Variants in SMCO4 observed in about 807,000 individuals in gnomAD.
SMCO4 encodes single-pass membrane protein with coiled-coil domains 4, also known as single-pass membrane and coiled-coil domain-containing protein 4.
In SMCO4, 4 loss-of-function variants were observed where a neutral mutation model predicts 3.6. That is an observed-to-expected ratio of 1.11 (90% CI 0.54 to 2.53). The LOEUF is 2.53. Among genes scored for constraint, SMCO4 ranks in the 30% most tolerant of loss-of-function variants. The probability of loss-of-function intolerance (pLI) is 0.02; values close to 1 mark genes in which losing one functional copy is unlikely to be tolerated. For synonymous variants in SMCO4, 36 were observed against 35.3 expected, an observed-to-expected ratio of 1.02 and a Z score of -0.07; for missense variants, 70 against 80.8, an observed-to-expected ratio of 0.87 and a Z score of 0.51.
chr11:93,541,965 C>G (rs1949274370), intron 1 of SMCO4, among the ~76,000 whole-genome samples: 1 of 152,162 alleles, frequency 6.6e-6, no homozygotes, highest in African/African-American at 2.4e-5. Context: ...CCAGAGAGAG[C>G]AAGTGACTCA....
At chr11:93,550,402 G>A in the SMCO4 span, among the ~76,000 whole-genome samples, 2,879 of 152,292 alleles carry the variant, frequency 0.019, 98 homozygotes, top group African/African-American at 0.066. Context: ...CCTCATGCCT[G>A]TAATCCCAAC....
chr11:93,497,634 G>C (rs150140244), intron 2 of SMCO4, among the ~76,000 whole-genome samples: 2 of 151,854 alleles, frequency 1.3e-5, no homozygotes, highest in Non-Finnish European at 1.5e-5. Flanking sequence ...GCTTCCAAAG[G>C]GGGGTACCAA....
intron 2 of SMCO4, among the ~76,000 whole-genome samples, chr11:93,485,416 C>T (rs537322461): frequency 5.3e-5 from 8 of 152,264 alleles, no homozygotes; most frequent in East Asian, 3.8e-4. Context: ...TGCTGGAATG[C>T]GCTTTTCCCT....
intron 2 of SMCO4, among the ~76,000 whole-genome samples, chr11:93,485,321 C>T (rs182449393): frequency 5.6e-4 from 86 of 152,326 alleles, no homozygotes; most frequent in African/African-American, 1.9e-3. Flanking sequence ...TCCAGCCTCA[C>T]CACACCCAAA....
the SMCO4 span, among the ~76,000 whole-genome samples, chr11:93,552,181 C>T: frequency 1.7e-5 from 2 of 120,396 alleles, no homozygotes; most frequent in African/African-American, 6.3e-5. Context: ...TTTTGAGACA[C>T]AGTTTCACTC....
intron 2 of SMCO4, among the ~76,000 whole-genome samples, chr11:93,490,770 A>C (rs1351675081): frequency 6.6e-6 from 1 of 152,250 alleles, no homozygotes; most frequent in Non-Finnish European, 1.5e-5. Context: ...AAAAGACAGA[A>C]CCTAAACCAA....
intron 1 of SMCO4, among the ~76,000 whole-genome samples, chr11:93,527,148 C>T (rs1949115941): frequency 6.6e-6 from 1 of 152,170 alleles, no homozygotes; most frequent in South Asian, 2.1e-4. Flanking sequence ...ACAATCCAAC[C>T]CCTAGAGTTT....
Position 93,478,603 on chromosome 11 carries a change from G to A in SMCO4, c.*407C>T, listed in dbSNP as rs928154685. 3 of 166,572 alleles carry A rather than the reference G, an allele frequency of 1.8e-5. No homozygotes were observed. Among genetic ancestry groups the A allele is most frequent in the African/African-American group, 7.1e-5 (3 of 42,164 alleles). 10.3% of individuals were successfully genotyped at this position (166,572 alleles called of 1,614,324 possible). A position where few individuals can be genotyped will look rare whatever the true frequency, so the allele number is the denominator to read the frequency against. Reference sequence around the variant, plus strand: ...GTGAACACGTGTTGGAAAGAAGCATGATCCAAACAATGGGAATGAGGTGAG... The same window carrying A: ...GTGAACACGTGTTGGAAAGAAGCATAATCCAAACAATGGGAATGAGGTGAG... On this transcript the variant is annotated 3_prime_UTR_variant, in exon 3 of 3. Transcript: ENST00000298966.
At chr11:93,524,825 G>GC (rs1200467177) in intron 1 of SMCO4, among the ~76,000 whole-genome samples, 1 of 152,162 alleles carries the variant, frequency 6.6e-6, no homozygotes, top group Non-Finnish European at 1.5e-5. Flanking sequence ...CCTGCTCACT[G>GC]CACTCATCCA....
chr11:93,494,072 T>A (rs1465983565), intron 2 of SMCO4, among the ~76,000 whole-genome samples: 1 of 152,170 alleles, frequency 6.6e-6, no homozygotes, highest in African/African-American at 2.4e-5. Context: ...AAGCCTTAAG[T>A]AATGCAAACA....
At position 93,486,993 on chromosome 11, in the gene SMCO4, A is replaced by T. The variant is rs561349274; in HGVS notation, c.-80-7724T>A. ...ACACGAGAAGGGTATATATGGAGAA[A>T]GCTCCACCATCTCTTCTTGTAACTG... On this transcript the variant is annotated intron_variant, in intron 2 of 2. Transcript: ENST00000298966. Among the ~76,000 whole-genome samples, 22 of 152,322 alleles carry T rather than the reference A, an allele frequency of 1.4e-4. No individual in the cohort carries two copies. The South Asian group carries it at 4.6e-3, about 32-fold the overall frequency.
At chr11:93,485,896 A>G (rs932352103) in intron 2 of SMCO4, among the ~76,000 whole-genome samples, 2 of 152,228 alleles carry the variant, frequency 1.3e-5, no homozygotes, top group Non-Finnish European at 2.9e-5. Flanking sequence ...GGGATTCAGT[A>G]AAGTATGCTG....
intron 1 of SMCO4, among the ~76,000 whole-genome samples, chr11:93,538,357 C>G (rs1198928958): frequency 6.6e-6 from 1 of 152,212 alleles, no homozygotes; most frequent in East Asian, 1.9e-4. Context: ...TATGGAATAG[C>G]CAAAACTGAG....
intron 2 of SMCO4, among the ~76,000 whole-genome samples, chr11:93,479,490 A>T (rs557617596): frequency 2.6e-5 from 4 of 152,330 alleles, no homozygotes; most frequent in African/African-American, 9.6e-5. Context: ...CTCCAGCGCC[A>T]GCTGGACAAA....
upstream of SMCO4, among the ~76,000 whole-genome samples, chr11:93,547,491 G>T (rs1345808654): frequency 6.6e-6 from 1 of 151,972 alleles, no homozygotes; most frequent in Non-Finnish European, 1.5e-5. Context: ...GACACTCCTT[G>T]TTTTTTTCAC....
At chr11:93,504,755 G>A (rs1032149889) in intron 1 of SMCO4, among the ~76,000 whole-genome samples, 1 of 152,104 alleles carries the variant, frequency 6.6e-6, no homozygotes, top group Non-Finnish European at 1.5e-5. Context: ...TTTCCCCAAC[G>A]TGTGGGCAGT....
chr11:93,513,128 G>T (rs909600051), intron 1 of SMCO4, among the ~76,000 whole-genome samples: 1 of 152,180 alleles, frequency 6.6e-6, no homozygotes, highest in Non-Finnish European at 1.5e-5. Context: ...GCTGCAGTGT[G>T]GGGGCTGGAA....
chr11:93,509,374 C>T (rs929074617), intron 1 of SMCO4, among the ~76,000 whole-genome samples: 12 of 151,558 alleles, frequency 7.9e-5, no homozygotes, highest in African/African-American at 2.9e-4. Flanking sequence ...TATGGGAATG[C>T]AAACTGGTAC....
rs138786474 is a variant in SMCO4, at chr11:93,515,293, T to C, written c.-153-15945A>G. Among the ~76,000 whole-genome samples the C allele has an allele frequency of 2.9e-3, 436 of 152,286 alleles. 5 individuals carry two copies. The highest frequency in any genetic ancestry group is 8.4e-3 in the Admixed American group (129 of 15,292). The stretch of plus-strand genomic sequence containing the variant: ...AGAAAACCAATGATGTGCAGAACAA[T>C]CAGATCATTAGTGACAGGTAGTTAG... On this transcript the variant is annotated intron_variant, in intron 1 of 2. Transcript: ENST00000298966.
Sources: allele counts gnomAD v4.1 joint callset (sites outside exome capture counted in the v4.1 genomes callset), GRCh38; gene constraint gnomAD v4.1.1; transcripts MANE v1.5; gene names NCBI Gene and HGNC (gene_info 2026-07-23, HGNC 2026-07-21).